SLC7A2: variants seen among roughly 807,000 people sequenced by gnomAD.
The protein encoded by SLC7A2 is solute carrier family 7 member 2.
In SLC7A2, 48 loss-of-function variants were observed where a neutral mutation model predicts 58.9. The ratio of observed to expected loss-of-function variants is 0.82; its 90% CI spans 0.65 to 1.04. The LOEUF (loss-of-function observed/expected upper bound fraction) is 1.04, where lower values mean the gene tolerates loss of function less well. SLC7A2 is among the 50% of genes least tolerant of loss of function. The probability of loss-of-function intolerance (pLI) is 0.00; values close to 1 mark genes in which losing one functional copy is unlikely to be tolerated. For synonymous variants in SLC7A2, 363 were observed against 314.5 expected (o/e 1.15, Z -1.63); for missense variants, 1,029 against 818.8 (o/e 1.26, Z -3.13).
rs376835370 is a variant in SLC7A2 at position 17,543,433 on chromosome 8, C to T, written c.94C>T (p.Arg32Cys). 31 of 1,614,136 alleles carry T rather than the reference C, an allele frequency of 1.9e-5. No homozygotes were observed. The highest frequency in any genetic ancestry group is 2.2e-5 in the South Asian group (2 of 91,080). Residue 32 changes from arginine (R) to cysteine (C), a missense_variant, in exon 3 of 13, where the codon CGC becomes TGC. Transcript: ENST00000494857. ...LDSLEDTKLCRCLSTMDLIAL... is the reference protein window; with the variant it reads ...LDSLEDTKLCCCLSTMDLIAL... ...CAGTCTAGAAGACACCAAATTATGC[C>T]GCTGCTTATCCACCATGGACCTCAT...
intron 2 of SLC7A2, among the ~76,000 whole-genome samples, chr8:17,503,113 C>T (rs572491999): frequency 1.3e-5 from 2 of 152,066 alleles, no homozygotes; most frequent in South Asian, 2.1e-4. Flanking sequence ...TGCAGTGGCG[C>T]GATCTCGGCT....
At chr8:17,513,652 A>G (rs1191607777) in intron 2 of SLC7A2, among the ~76,000 whole-genome samples, 1 of 152,210 alleles carries the variant, frequency 6.6e-6, no homozygotes, top group Admixed American at 6.5e-5. Context: ...GAATCTGCTG[A>G]GATGAGGCCT....
intron 8 of SLC7A2, among the ~76,000 whole-genome samples, chr8:17,557,899 T>C (rs561504571): frequency 6.6e-6 from 1 of 152,304 alleles, no homozygotes; most frequent in East Asian, 1.9e-4. Flanking sequence ...ATAATATCTA[T>C]AATGAAAGCA....
chr8:17,537,552 C>A (rs1258053245), intron 2 of SLC7A2, among the ~76,000 whole-genome samples: 2 of 152,152 alleles, frequency 1.3e-5, no homozygotes, highest in African/African-American at 4.8e-5. Context: ...GTCCAGTGAT[C>A]CTTGGCTTCG....
At chr8:17,540,717 G>A (rs1801875403) in intron 2 of SLC7A2, among the ~76,000 whole-genome samples, 1 of 152,020 alleles carries the variant, frequency 6.6e-6, no homozygotes, top group Non-Finnish European at 1.5e-5. Context: ...CAGGAGGTTT[G>A]TTTATTGGTC....
chr8:17,496,576 C>G (rs1799963308), upstream of SLC7A2, among the ~76,000 whole-genome samples: 1 of 152,166 alleles, frequency 6.6e-6, no homozygotes, highest in African/African-American at 2.4e-5. Context: ...CGTATTCATA[C>G]CACTGGAGTC....
intron 4 of SLC7A2, among the ~76,000 whole-genome samples, chr8:17,546,916 A>G (rs1274982082): frequency 6.6e-6 from 1 of 152,168 alleles, no homozygotes; most frequent in East Asian, 1.9e-4. Flanking sequence ...TATAATTAGA[A>G]AAATACTAGA....
chr8:17,544,966 C>G (rs1802095689), intron 4 of SLC7A2, among the ~76,000 whole-genome samples: 1 of 152,144 alleles, frequency 6.6e-6, no homozygotes, highest in Non-Finnish European at 1.5e-5. Context: ...CTAGATACAA[C>G]TAGGGATATT....
chr8:17,511,066 C>G (rs934930469), intron 2 of SLC7A2: 1 of 150,082 alleles, frequency 6.7e-6, no homozygotes, highest in African/African-American at 2.5e-5. Flanking sequence ...CACTTGGATA[C>G]GTGGAGGGGA....
chr8:17,564,030 A>G (rs1048386739), intron 12 of SLC7A2, among the ~76,000 whole-genome samples: 2 of 152,252 alleles, frequency 1.3e-5, no homozygotes, highest in African/African-American at 4.8e-5. Flanking sequence ...CAAAATGCCT[A>G]CATGTCTGCA....
chr8:17,542,238 A>G (rs1483519578), intron 2 of SLC7A2, among the ~76,000 whole-genome samples: 2 of 152,204 alleles, frequency 1.3e-5, no homozygotes, highest in African/African-American at 4.8e-5. Flanking sequence ...AGAATACGTA[A>G]TGATTAAGTT....
intron 2 of SLC7A2, among the ~76,000 whole-genome samples, chr8:17,528,762 A>G (rs1016855663): frequency 6.6e-6 from 1 of 152,148 alleles, no homozygotes; most frequent in African/African-American, 2.4e-5. Context: ...TTGGGAAGGT[A>G]GCTATTTGGA....
chr8:17,510,232 T>TAAA (rs776534126), intron 2 of SLC7A2, among the ~76,000 whole-genome samples: 28 of 139,026 alleles, frequency 2.0e-4, no homozygotes, highest in Non-Finnish European at 3.8e-4. Flanking sequence ...AATAAACAAA[T>TAAA]AATAATAATA....
At chr8:17,504,141 A>G (rs915520989) in intron 2 of SLC7A2, among the ~76,000 whole-genome samples, 1 of 152,200 alleles carries the variant, frequency 6.6e-6, no homozygotes. Context: ...AAGAATAACA[A>G]ACTACTAAGA....
chr8:17,557,697 G>A (rs545019286), intron 8 of SLC7A2, among the ~76,000 whole-genome samples: 16 of 152,014 alleles, frequency 1.1e-4, no homozygotes, highest in Non-Finnish European at 1.8e-4. Flanking sequence ...GTGTGGTGGC[G>A]CACGCCTGTA....
rs1800580241 is a variant in SLC7A2, at chr8:17,510,980, C to G, written c.-23+8678C>G. 3 of 152,242 alleles carry G rather than the reference C, an allele frequency of 2.0e-5. No individual in the cohort carries two copies. The South Asian group carries it at 6.2e-4, about 32-fold the overall frequency. The allele number at this position is 152,242 out of a possible 1,614,324, so 9.4% of individuals were successfully genotyped here. On this transcript the variant is annotated intron_variant, in intron 2 of 12. Coordinates refer to ENST00000494857, the MANE Select transcript of SLC7A2 (RefSeq NM_001370338.1). Reference sequence around the variant, plus strand: ...GTGGATGAAGCTGGAAGCCATCATCCTCAGCAAACTAATACAGGAACAGAA... The same window carrying G: ...GTGGATGAAGCTGGAAGCCATCATCGTCAGCAAACTAATACAGGAACAGAA...
intron 2 of SLC7A2, among the ~76,000 whole-genome samples, chr8:17,507,999 TAAA>T (rs1340900049): frequency 6.6e-6 from 1 of 152,082 alleles, no homozygotes; most frequent in South Asian, 2.1e-4. Context: ...AATCTAAAAA[TAAA>T]AAGACTTTTA....
rs1457223886 is a variant in SLC7A2, at chr8:17,538,384, G to C, written c.-22-4934G>C. On this transcript the variant is annotated intron_variant, in intron 2 of 12. Coordinates refer to ENST00000494857, the MANE Select transcript of SLC7A2 (RefSeq NM_001370338.1). ...GACCCAGTAAAAGTGAAGTGAATATGGAAGAGTGTTCTGTGTTTTTCCAGA... is the reference window on the plus strand; with the variant it reads ...GACCCAGTAAAAGTGAAGTGAATATCGAAGAGTGTTCTGTGTTTTTCCAGA... Among the ~76,000 whole-genome samples the C allele has an allele frequency of 2.0e-5, 3 of 152,152 alleles. No homozygotes were observed. The East Asian group carries it at 5.8e-4, about 29-fold the overall frequency.
At chr8:17,504,891 A>G (rs1275778329) in intron 2 of SLC7A2, among the ~76,000 whole-genome samples, 1 of 152,208 alleles carries the variant, frequency 6.6e-6, no homozygotes, top group Non-Finnish European at 1.5e-5. Context: ...AATGGTTCCC[A>G]TAGTTCCCTG....
Sources: gnomAD v4.1 joint callset for allele counts (sites outside exome capture counted in the v4.1 genomes callset) on GRCh38, gnomAD v4.1.1 for gene constraint, MANE v1.5 for transcripts, NCBI Gene and HGNC (gene_info 2026-07-23, HGNC 2026-07-21) for gene names.